CDK14: variants seen among roughly 807,000 people sequenced by gnomAD.
CDK14 encodes the protein cyclin-dependent kinase 14.
In CDK14, 34 loss-of-function variants were observed where a neutral mutation model predicts 60.7. That is an observed-to-expected ratio of 0.56 (90% CI 0.43 to 0.75). The LOEUF is 0.75. Among genes scored for constraint, CDK14 ranks in the 30% least tolerant of loss-of-function variants. CDK14 has a pLI of 0.00. For missense variants in CDK14, 482 were observed against 564.1 expected (o/e 0.85, Z 1.47); for synonymous variants, 197 against 203.7 (o/e 0.97, Z 0.28).
chr7:90,757,530 CT>C (rs1804129440), intron 4 of CDK14, among the ~76,000 whole-genome samples: 1 of 151,726 alleles, frequency 6.6e-6, no homozygotes, highest in Non-Finnish European at 1.5e-5. Flanking sequence ...CATCCTTTAC[CT>C]ATTGGTTCTT....
chr7:90,774,603 G>A (rs1804940263), intron 4 of CDK14, among the ~76,000 whole-genome samples: 1 of 152,126 alleles, frequency 6.6e-6, no homozygotes, highest in Non-Finnish European at 1.5e-5. Flanking sequence ...TTTTATTGGG[G>A]AAAATAAAAA....
intron 14 of CDK14, among the ~76,000 whole-genome samples, chr7:91,137,275 C>G (rs975597809): frequency 5.3e-5 from 8 of 152,108 alleles, no homozygotes; most frequent in African/African-American, 1.7e-4. Flanking sequence ...TTGGGGGGAC[C>G]TGAATATACC....
rs556889319 is a variant in CDK14 at position 90,680,911 on chromosome 7, T to G, written c.124-45656T>G. On this transcript the variant is annotated intron_variant, in intron 2 of 14. Transcript: ENST00000380050. ...AAACAAGATTTTGGCCATACGTGGA[T>G]GTACTTTAGAACATGGCTATGTACA... 1.6e-4 allele frequency among the ~76,000 whole-genome samples: 25 copies of G among 152,360 alleles called. No homozygotes were observed. In the East Asian group the frequency reaches 3.9e-3, roughly 23 times the overall value.
At chr7:91,147,156 TCTCTCTCACACACACACACA>T (rs1444651153) in intron 14 of CDK14, among the ~76,000 whole-genome samples, 1 of 106,152 alleles carries the variant, frequency 9.4e-6, no homozygotes, top group Non-Finnish European at 2.1e-5. Flanking sequence ...TCTCTCTCTC[TCTCTCTCACACACACACACA>T]CACACACACA....
chr7:91,034,265 A>G (rs762925917), intron 10 of CDK14, among the ~76,000 whole-genome samples: 2 of 152,198 alleles, frequency 1.3e-5, no homozygotes, highest in Non-Finnish European at 1.5e-5. Flanking sequence ...TGTTAGAATC[A>G]CTGAGGAGGT....
intron 6 of CDK14, among the ~76,000 whole-genome samples, chr7:90,871,646 G>A (rs1223262365): frequency 6.6e-6 from 1 of 152,156 alleles, no homozygotes; most frequent in African/African-American, 2.4e-5. Flanking sequence ...AGGATGACTA[G>A]ATTCACATCA....
At chr7:90,876,346 G>T (rs1276844985) in intron 6 of CDK14, among the ~76,000 whole-genome samples, 1 of 152,146 alleles carries the variant, frequency 6.6e-6, no homozygotes, top group Non-Finnish European at 1.5e-5. Context: ...TAACTGGTTG[G>T]ATTTTCTAGT....
At chr7:90,995,493 G>A (rs1192512421) in intron 10 of CDK14, among the ~76,000 whole-genome samples, 1 of 152,158 alleles carries the variant, frequency 6.6e-6, no homozygotes, top group African/African-American at 2.4e-5. Flanking sequence ...TAAAGCCACT[G>A]GGTTTTGTAG....
intron 5 of CDK14, among the ~76,000 whole-genome samples, chr7:90,824,328 A>G (rs1387622988): frequency 6.6e-6 from 1 of 152,222 alleles, no homozygotes; most frequent in African/African-American, 2.4e-5. Flanking sequence ...TCACTTACCC[A>G]GAATCACACA....
At chr7:90,877,410 A>C (rs1450472317) in intron 6 of CDK14, among the ~76,000 whole-genome samples, 1 of 152,200 alleles carries the variant, frequency 6.6e-6, no homozygotes, top group African/African-American at 2.4e-5. Flanking sequence ...CTATTTCATA[A>C]ATTGGGAACT....
chr7:90,759,478 T>G (rs1804228664), intron 4 of CDK14, among the ~76,000 whole-genome samples: 1 of 152,218 alleles, frequency 6.6e-6, no homozygotes, highest in African/African-American at 2.4e-5. Context: ...CTGGGAGGAT[T>G]GGTGGTTTGC....
At chr7:91,049,875 G>T (rs1261642630) in intron 11 of CDK14, among the ~76,000 whole-genome samples, 2 of 152,156 alleles carry the variant, frequency 1.3e-5, no homozygotes, top group African/African-American at 4.8e-5. Context: ...CATATATTGG[G>T]TGGTGATAAG....
chr7:90,802,278 TTAA>T (rs1350759225), intron 5 of CDK14, among the ~76,000 whole-genome samples: 16 of 152,336 alleles, frequency 1.1e-4, no homozygotes, highest in Middle Eastern at 3.4e-3. Flanking sequence ...TTCAAGGGTC[TTAA>T]TAACTTTTTT....
chr7:91,147,162 TCACACACACACA>T (rs71107808), intron 14 of CDK14, among the ~76,000 whole-genome samples: 46 of 124,730 alleles, frequency 3.7e-4, no homozygotes, highest in African/African-American at 7.0e-4. Flanking sequence ...TCTCTCTCTC[TCACACACACACA>T]CACACACACA....
At chr7:90,729,250 C>G (rs1212321204) in intron 3 of CDK14, among the ~76,000 whole-genome samples, 2 of 149,858 alleles carry the variant, frequency 1.3e-5, no homozygotes, top group African/African-American at 2.5e-5. Flanking sequence ...CCAACTTGAA[C>G]TTCAGCTTCC....
At chr7:90,697,106 C>A (rs941740282) in intron 2 of CDK14, among the ~76,000 whole-genome samples, 1 of 152,114 alleles carries the variant, frequency 6.6e-6, no homozygotes, top group South Asian at 2.1e-4. Context: ...TTGGGATCAA[C>A]TCCTCTTTTT....
rs188826320 is a variant in CDK14 at position 91,062,021 on chromosome 7, G to A, written c.1105+16061G>A. 9.8e-5 allele frequency among the ~76,000 whole-genome samples: 15 copies of A among 152,348 alleles called. No homozygotes were observed. In the South Asian group the frequency reaches 3.1e-3, roughly 32 times the overall value. ...AGGTGGAGACTACAGAGGCAGGCAG[G>A]CCTCCTTGAGCTGCGATGGGCTCCA... On this transcript the variant is annotated intron_variant, in intron 11 of 14. Transcript: ENST00000380050.
intron 12 of CDK14, among the ~76,000 whole-genome samples, chr7:91,091,463 TAA>T (rs1356460932): frequency 4.5e-5 from 6 of 133,398 alleles, no homozygotes; most frequent in African/African-American, 1.4e-4. Context: ...AATTTATATA[TAA>T]TATATATACA....
At chr7:91,077,843 T>G (rs758824004) in intron 11 of CDK14, among the ~76,000 whole-genome samples, 1 of 151,900 alleles carries the variant, frequency 6.6e-6, no homozygotes, top group Non-Finnish European at 1.5e-5. Flanking sequence ...TTAAAATTGG[T>G]ACCTTGATAA....
Sources: gnomAD v4.1 joint callset for allele counts (sites outside exome capture counted in the v4.1 genomes callset) on GRCh38, gnomAD v4.1.1 for gene constraint, MANE v1.5 for transcripts, NCBI Gene and HGNC (gene_info 2026-07-23, HGNC 2026-07-21) for gene names.